The following NTNG1 variants were observed in gnomAD, a reference collection of about 807,000 sequenced individuals.
NTNG1 encodes netrin G1.
In NTNG1, 16 loss-of-function variants were observed where a neutral mutation model predicts 54.0. That is an observed-to-expected ratio of 0.30 (90% CI 0.20 to 0.45). The LOEUF (loss-of-function observed/expected upper bound fraction) is 0.45, where lower values mean the gene tolerates loss of function less well. Ranked by LOEUF, NTNG1 falls within the 20% of genes least tolerant of loss-of-function variation. The probability of loss-of-function intolerance (pLI) is 1.00; values close to 1 mark genes in which losing one functional copy is unlikely to be tolerated. For synonymous variants in NTNG1, 255 were observed against 263.1 expected, an observed-to-expected ratio of 0.97 and a Z score of 0.30; for missense variants, 530 against 678.7, an observed-to-expected ratio of 0.78 and a Z score of 2.43.
chr1:107,155,754 C>A (rs1037911847), intron 2 of NTNG1, among the ~76,000 whole-genome samples: 7 of 152,106 alleles, frequency 4.6e-5, no homozygotes, highest in African/African-American at 1.7e-4. Flanking sequence ...TAACATGGTT[C>A]TAGCTAATTA....
At chr1:107,367,390 G>A (rs543452828) in intron 3 of NTNG1, among the ~76,000 whole-genome samples, 1 of 152,094 alleles carries the variant, frequency 6.6e-6, no homozygotes, top group Non-Finnish European at 1.5e-5. Context: ...CAGCATGCTT[G>A]GTTCATGTCA....
chr1:107,479,180 TA>T (rs1391714375), intron 7 of NTNG1, among the ~76,000 whole-genome samples: 1 of 152,196 alleles, frequency 6.6e-6, no homozygotes, highest in African/African-American at 2.4e-5. Flanking sequence ...AGGAAGGCAG[TA>T]AAACAGTGGT....
chr1:107,244,641 C>T (rs1662066578), intron 2 of NTNG1, among the ~76,000 whole-genome samples: 1 of 152,160 alleles, frequency 6.6e-6, no homozygotes, highest in Admixed American at 6.5e-5. Context: ...AGTTTCCTTT[C>T]TCTGTGTCTC....
chr1:107,290,951 CATATATATATATTATATAT>C (rs945014006), intron 2 of NTNG1, among the ~76,000 whole-genome samples: 4 of 135,100 alleles, frequency 3.0e-5, no homozygotes, highest in South Asian at 2.3e-4. Context: ...TTTTAAAGTG[CATATATATATATTATATAT>C]ATATATATAT....
At chr1:107,323,807 G>T (rs1230535531) in intron 2 of NTNG1, among the ~76,000 whole-genome samples, 4 of 152,060 alleles carry the variant, frequency 2.6e-5, no homozygotes, top group African/African-American at 7.2e-5. Flanking sequence ...TTGTATGGGG[G>T]TATTGTCTCC....
intron 3 of NTNG1, among the ~76,000 whole-genome samples, chr1:107,386,168 T>A (rs1027904108): frequency 0.031 from 3,167 of 102,350 alleles, 63 homozygotes; most frequent in African/African-American, 0.046. Context: ...TATATATATT[T>A]TTTTTTTTTT....
intron 2 of NTNG1, among the ~76,000 whole-genome samples, chr1:107,170,054 A>G (rs913025751): frequency 6.6e-6 from 1 of 152,194 alleles, no homozygotes; most frequent in African/African-American, 2.4e-5. Flanking sequence ...CCTTACTGAA[A>G]ATCAACTGAT....
At chr1:107,381,537 T>C (rs550093342) in intron 3 of NTNG1, among the ~76,000 whole-genome samples, 3 of 152,292 alleles carry the variant, frequency 2.0e-5, no homozygotes, top group African/African-American at 4.8e-5. Flanking sequence ...ATCCAGATCA[T>C]GTTTTCAGGC....
chr1:107,233,970 A>G (rs1183313747), intron 2 of NTNG1, among the ~76,000 whole-genome samples: 1 of 152,116 alleles, frequency 6.6e-6, no homozygotes, highest in Non-Finnish European at 1.5e-5. Flanking sequence ...AGCTGAACTA[A>G]TTTTGCCTGT....
At chr1:107,334,301 T>C (rs997013126) in intron 3 of NTNG1, among the ~76,000 whole-genome samples, 3 of 152,036 alleles carry the variant, frequency 2.0e-5, no homozygotes, top group African/African-American at 7.2e-5. Context: ...GCTAAGGATA[T>C]CACCTTGTCT....
intron 7 of NTNG1, among the ~76,000 whole-genome samples, chr1:107,440,138 A>T (rs934917967): frequency 5.3e-5 from 8 of 152,036 alleles, no homozygotes; most frequent in Admixed American, 3.9e-4. Flanking sequence ...GCAGGCATTT[A>T]GGTAGGCACT....
chr1:107,223,467 G>A (rs1660482356), intron 2 of NTNG1, among the ~76,000 whole-genome samples: 1 of 152,120 alleles, frequency 6.6e-6, no homozygotes, highest in Non-Finnish European at 1.5e-5. Context: ...AAGAGGTTAG[G>A]AAGAGGGCAA....
At chr1:107,459,523 GT>G (rs1307688653) in intron 7 of NTNG1, among the ~76,000 whole-genome samples, 2 of 152,060 alleles carry the variant, frequency 1.3e-5, no homozygotes, top group African/African-American at 4.8e-5. Context: ...AAAATAAAAA[GT>G]TGCCAAAAGA....
At chr1:107,396,629 T>A (rs1194165181) in intron 4 of NTNG1, among the ~76,000 whole-genome samples, 1 of 152,172 alleles carries the variant, frequency 6.6e-6, no homozygotes, top group African/African-American at 2.4e-5. Flanking sequence ...GACTCATGAA[T>A]TTGAAAGGGA....
chr1:107,467,064 T>C (rs1677650354), intron 7 of NTNG1, among the ~76,000 whole-genome samples: 1 of 152,356 alleles, frequency 6.6e-6, no homozygotes, highest in South Asian at 2.1e-4. Context: ...TAGTAAAAGT[T>C]ATGTTGCACA....
chr1:107,456,186 G>T (rs1303035867), intron 7 of NTNG1, among the ~76,000 whole-genome samples: 1 of 152,146 alleles, frequency 6.6e-6, no homozygotes, highest in Non-Finnish European at 1.5e-5. Flanking sequence ...ATCACTTGGG[G>T]CTTTAAATTG....
intron 2 of NTNG1, among the ~76,000 whole-genome samples, chr1:107,315,349 A>G (rs1256047004): frequency 6.6e-6 from 1 of 152,056 alleles, no homozygotes; most frequent in African/African-American, 2.4e-5. Flanking sequence ...CTACCCCCTT[A>G]GGATCCACTA....
chr1:107,284,020 A>G lies in NTNG1; in HGVS notation c.247-40262A>G, dbSNP rs138099126. Among the ~76,000 whole-genome samples, 29 of 152,266 alleles carry G rather than the reference A, an allele frequency of 1.9e-4. No individual in the cohort carries two copies. In the East Asian group the frequency reaches 5.6e-3, roughly 29 times the overall value. On this transcript the variant is annotated intron_variant, in intron 2 of 7. Transcript: ENST00000370068. ...TACTTGATAATCTCAGGCAAATGTTATCTTCCCTTCTTTGGAGCATTCATT... is the reference window on the plus strand; with the variant it reads ...TACTTGATAATCTCAGGCAAATGTTGTCTTCCCTTCTTTGGAGCATTCATT...
chr1:107,275,952 T>C (rs1051955317), intron 2 of NTNG1, among the ~76,000 whole-genome samples: 4 of 152,200 alleles, frequency 2.6e-5, no homozygotes, highest in African/African-American at 9.6e-5. Context: ...TCTCTCTTAT[T>C]TTCCTGAGAA....
Sources: allele counts gnomAD v4.1 joint callset (sites outside exome capture counted in the v4.1 genomes callset), GRCh38; gene constraint gnomAD v4.1.1; transcripts MANE v1.5; gene names NCBI Gene and HGNC (gene_info 2026-07-23, HGNC 2026-07-21).